Variants in THSD4 observed in about 807,000 individuals in gnomAD.
THSD4 encodes the protein thrombospondin type 1 domain containing 4.
A neutral mutation model predicts 119.0 loss-of-function variants in THSD4; 69 were observed. The observed-to-expected ratio is 0.58, with a 90% CI of 0.48 to 0.71. THSD4 has a LOEUF of 0.71. Ranked by LOEUF, THSD4 falls within the 30% of genes least tolerant of loss-of-function variation. The pLI, the probability that THSD4 is intolerant of heterozygous loss-of-function variation, is 0.00. For missense variants in THSD4, 1,393 were observed against 1,391.1 expected, an observed-to-expected ratio of 1.00 and a Z score of -0.02; for synonymous variants, 524 against 540.4, an observed-to-expected ratio of 0.97 and a Z score of 0.42.
chr15:71,428,145 T>A (rs115742845), intron 7 of THSD4, among the ~76,000 whole-genome samples: 435 of 152,254 alleles, frequency 2.9e-3, no homozygotes, highest in African/African-American at 0.01. Flanking sequence ...CCCACCACCA[T>A]CCCTGACCCT....
intron 6 of THSD4, among the ~76,000 whole-genome samples, chr15:71,377,533 C>T (rs56308303): frequency 0.52 from 79,409 of 151,732 alleles, 21,217 homozygotes; most frequent in East Asian, 0.74. Flanking sequence ...GCTGTAGTGA[C>T]AGGGATGCAA....
chr15:71,598,479 G>C (rs1033788524), intron 7 of THSD4, among the ~76,000 whole-genome samples: 1 of 152,140 alleles, frequency 6.6e-6, no homozygotes, highest in Non-Finnish European at 1.5e-5. Context: ...GCCAGGAGTT[G>C]ACTGAAGACT....
Position 71,364,501 on chromosome 15 carries a change from G to A in THSD4, c.1016-47186G>A, listed in dbSNP as rs192588371. 5.4e-3 allele frequency among the ~76,000 whole-genome samples: 815 copies of A among 152,318 alleles called. 3 individuals are homozygous for A. Among genetic ancestry groups the A allele is most frequent in the Admixed American group, 8.7e-3 (133 of 15,296 alleles). ...AGCTGTCTTCACCTGTTCAAATGCGGAAAATGATACCTCCCTCACAGAGTA... is the reference window on the plus strand; with the variant it reads ...AGCTGTCTTCACCTGTTCAAATGCGAAAAATGATACCTCCCTCACAGAGTA... On this transcript the variant is annotated intron_variant, in intron 6 of 17. Coordinates refer to ENST00000261862, the MANE Select transcript of THSD4 (RefSeq NM_024817.3).
Position 71,484,742 on chromosome 15 carries a change from G to A in THSD4, c.1152+72919G>A, listed in dbSNP as rs552617195. ...AACAGAGGAAACTCAGAGACGTGAA[G>A]TGACCTGTCCGTGGCCATCTGGAGT... On this transcript the variant is annotated intron_variant, in intron 7 of 17. Transcript: ENST00000261862. 2.6e-5 allele frequency among the ~76,000 whole-genome samples: 4 copies of A among 152,350 alleles called. No homozygotes were observed. The South Asian group carries it at 8.3e-4, about 32-fold the overall frequency.
At chr15:71,551,673 G>GC (rs997701127) in intron 7 of THSD4, among the ~76,000 whole-genome samples, 1 of 152,048 alleles carries the variant, frequency 6.6e-6, no homozygotes, top group Non-Finnish European at 1.5e-5. Flanking sequence ...GGGAAGGCAC[G>GC]CAGGACCCAC....
chr15:71,197,230 C>T (rs1031486577), intron 3 of THSD4, among the ~76,000 whole-genome samples: 1 of 152,206 alleles, frequency 6.6e-6, no homozygotes, highest in Non-Finnish European at 1.5e-5. Flanking sequence ...ACACTCAGCA[C>T]AGTACCTAGA....
chr15:71,355,381 C>CT (rs1200066592), intron 6 of THSD4, among the ~76,000 whole-genome samples: 1 of 152,160 alleles, frequency 6.6e-6, no homozygotes, highest in African/African-American at 2.4e-5. Flanking sequence ...AGTTTAAAGG[C>CT]TGTGTGTGTC....
intron 6 of THSD4, among the ~76,000 whole-genome samples, chr15:71,349,982 G>A (rs772585447): frequency 2.0e-5 from 3 of 152,046 alleles, no homozygotes; most frequent in Admixed American, 6.5e-5. Flanking sequence ...AATGCAAATC[G>A]GTTTATGGAA....
chr15:71,655,187 C>G (rs930487772), intron 7 of THSD4, among the ~76,000 whole-genome samples: 1 of 152,156 alleles, frequency 6.6e-6, no homozygotes, highest in Non-Finnish European at 1.5e-5. Context: ...CTATTCTGAA[C>G]AGCAGTACAC....
chr15:71,115,437 A>C (rs903195369), upstream of THSD4: 3 of 152,146 alleles, frequency 2.0e-5, no homozygotes, highest in African/African-American at 7.2e-5. This position sits in a 1 kb window ranked among gnomAD's most constrained non-coding sequence, Gnocchi z 4.4. Flanking sequence ...GGAGGGAGGA[A>C]GGACCGAGGG....
At chr15:71,172,499 T>C (rs922344761) in intron 3 of THSD4, among the ~76,000 whole-genome samples, 3 of 151,124 alleles carry the variant, frequency 2.0e-5, no homozygotes, top group African/African-American at 7.3e-5. Context: ...TGATTAAAAA[T>C]TCTTATGAAA....
intron 8 of THSD4, among the ~76,000 whole-genome samples, chr15:71,687,124 C>T (rs565862861): frequency 4.6e-5 from 7 of 152,236 alleles, no homozygotes; most frequent in South Asian, 2.1e-4. Flanking sequence ...GTTTCATAGT[C>T]AACTCTGAGC....
chr15:71,213,620 T>C (rs2043905588), intron 3 of THSD4, among the ~76,000 whole-genome samples: 1 of 152,204 alleles, frequency 6.6e-6, no homozygotes, highest in Non-Finnish European at 1.5e-5. Flanking sequence ...GCTCAGAGCA[T>C]GTCTTCATAA....
At chr15:71,442,658 G>GTGTGTATGTATGTATGTATA (rs1403001889) in intron 7 of THSD4, among the ~76,000 whole-genome samples, 8 of 31,340 alleles carry the variant, frequency 2.6e-4, no homozygotes, top group African/African-American at 7.9e-4. Flanking sequence ...GTGTGTGTGT[G>GTGTGTATGTATGTATGTATA]TGTATATATA....
intron 4 of THSD4, among the ~76,000 whole-genome samples, chr15:71,230,480 C>T (rs2044052069): frequency 6.6e-6 from 1 of 152,234 alleles, no homozygotes; most frequent in Non-Finnish European, 1.5e-5. Flanking sequence ...ATTTACAGAG[C>T]GTTCACTGAG....
rs8031158 is a variant in THSD4, at chr15:71,391,121, C to T, written c.1016-20566C>T. Among the ~76,000 whole-genome samples the T allele has an allele frequency of 2.3e-3, 351 of 151,838 alleles. 4 individuals are homozygous for T. Among genetic ancestry groups the T allele is most frequent in the African/African-American group, 7.9e-3 (329 of 41,402 alleles). ...TCGGCTCACTGCAAGCTCCGCCTCC[C>T]GGGTTCACACCATTCTCCTGCCTCA... is the stretch of plus-strand genomic sequence containing the variant. On this transcript the variant is annotated intron_variant, in intron 6 of 17. Coordinates refer to ENST00000261862, the MANE Select transcript of THSD4 (RefSeq NM_024817.3).
chr15:71,384,730 C>T (rs962564696), intron 6 of THSD4, among the ~76,000 whole-genome samples: 3 of 152,166 alleles, frequency 2.0e-5, no homozygotes, highest in East Asian at 3.9e-4. Flanking sequence ...AGTGCAGTGC[C>T]GTTCATTTGG....
chr15:71,540,434 C>T (rs2048743352), intron 7 of THSD4, among the ~76,000 whole-genome samples: 1 of 37,586 alleles, frequency 2.7e-5, no homozygotes, highest in African/African-American at 7.0e-5. Flanking sequence ...CTGCACCTGG[C>T]CGCCTTTTTT....
At chr15:71,484,764 G>C (rs2047789169) in intron 7 of THSD4, among the ~76,000 whole-genome samples, 1 of 152,172 alleles carries the variant, frequency 6.6e-6, no homozygotes, top group Admixed American at 6.5e-5. Context: ...TGGCCATCTG[G>C]AGTTTGTGAT....
Sources: allele counts gnomAD v4.1 joint callset (sites outside exome capture counted in the v4.1 genomes callset), GRCh38; gene constraint gnomAD v4.1.1; non-coding constraint Gnocchi (gnomAD v3.1); transcripts MANE v1.5; gene names NCBI Gene and HGNC (gene_info 2026-07-23, HGNC 2026-07-21).